Variants in KDM2B observed in about 807,000 individuals in gnomAD.
The protein encoded by KDM2B is lysine demethylase 2B.
KDM2B carries 26 observed loss-of-function variants against 150.0 expected under a neutral mutation model. The observed-to-expected ratio is 0.17, with a 90% CI of 0.13 to 0.24. The LOEUF (loss-of-function observed/expected upper bound fraction) is 0.24, where lower values mean the gene tolerates loss of function less well. Ranked by LOEUF, KDM2B falls within the 10% of genes least tolerant of loss-of-function variation. KDM2B has a pLI of 1.00. For missense variants in KDM2B, 1,265 were observed against 1,816.9 expected, an observed-to-expected ratio of 0.70 and a Z score of 5.52; for synonymous variants, 734 against 729.5, an observed-to-expected ratio of 1.01 and a Z score of -0.10.
At chr12:121,548,758 G>T in intron 6 of KDM2B, 119 bp downstream of exon 6, 1 of 739,808 alleles carries the variant, frequency 1.4e-6, no homozygotes, top group East Asian at 2.5e-5. Context: ...AGTTCTGAAC[G>T]GGAGCGGTTG....
chr12:121,409,232 G>A, the KDM2B span, among the ~76,000 whole-genome samples: 4 of 152,088 alleles, frequency 2.6e-5, no homozygotes, highest in African/African-American at 7.2e-5. Flanking sequence ...TGCTGGCCTC[G>A]GCCTCCCAAA....
In KDM2B at chr12:121,521,028, A is replaced by G; in HGVS notation, c.1004T>C (p.Val335Ala). ...FGGNILHSFNVPMQLRIYEIE... is the reference protein window; with the variant it reads ...FGGNILHSFNAPMQLRIYEIE... The stretch of plus-strand genomic sequence containing the variant: ...CTCGTAGATCCGCAGCTGCATGGGC[A>G]CGTTAAAGCTGTGCAGGATGTTTCC... The change falls in exon 9 of 23, where the codon GTG (valine) becomes GCG (alanine). Residue 335 changes from valine to alanine, a missense_variant. Physicochemically the swap from Val to Ala is moderately conservative, Grantham distance 64 (BLOSUM62 0). This residue lies in a region of KDM2B where 214 missense variants were observed against 447.4 expected (regional missense o/e 0.48). Coordinates refer to ENST00000377071, the MANE Select transcript of KDM2B (RefSeq NM_032590.5). This position sits in a 1 kb window ranked among gnomAD's most constrained non-coding sequence, Gnocchi z 4.9. 2.5e-6 allele frequency: 4 copies of G among 1,614,032 alleles called. No homozygotes were observed. Among genetic ancestry groups the G allele is most frequent in the Non-Finnish European group, 3.4e-6 (4 of 1,179,974 alleles).
rs1555316728 is a variant in KDM2B, at chr12:121,575,463, C to G, written c.350+318G>C. The stretch of plus-strand genomic sequence containing the variant: ...TCAGGCTCTGCCTCAGTCTCCTGAT[C>G]TGGAGCAAGGGGAAGGAGGAGAGGT... On this transcript the variant is annotated intron_variant, in intron 3 of 22. Coordinates refer to ENST00000377071, the MANE Select transcript of KDM2B (RefSeq NM_032590.5). This position sits in a 1 kb window ranked among gnomAD's most constrained non-coding sequence, Gnocchi z 4.4. 1.3e-5 allele frequency among the ~76,000 whole-genome samples: 2 copies of G among 152,212 alleles called. No homozygotes were observed. The highest frequency in any genetic ancestry group is 4.8e-5 in the African/African-American group (2 of 41,448).
chr12:121,515,925 A>G (rs1180811004), intron 9 of KDM2B, among the ~76,000 whole-genome samples: 3 of 151,992 alleles, frequency 2.0e-5, no homozygotes, highest in Non-Finnish European at 4.4e-5. Context: ...TTTCCTGAGA[A>G]CCCCAGTTTC....
rs1877544553 is a variant in KDM2B at position 121,452,905 on chromosome 12, T to A, written c.1959+215A>T. 6.6e-6 allele frequency among the ~76,000 whole-genome samples: 1 copy of A among 152,134 alleles called. No homozygotes were observed. Among genetic ancestry groups the A allele is most frequent in the African/African-American group, 2.4e-5 (1 of 41,424 alleles). ...GCCTGTCATCTTTAATGGCAGCAAC[T>A]TCAAAGTACCTGAGCACCCTGGGAG... On this transcript the variant is annotated intron_variant, in intron 13 of 22. Coordinates refer to ENST00000377071, the MANE Select transcript of KDM2B (RefSeq NM_032590.5). This position sits in a 1 kb window ranked among gnomAD's most constrained non-coding sequence, Gnocchi z 4.4.
intron 6 of KDM2B, among the ~76,000 whole-genome samples, chr12:121,535,210 C>CAA (rs34287525): frequency 2.0e-3 from 259 of 128,896 alleles, no homozygotes; most frequent in Middle Eastern, 4.1e-3. Context: ...GTTAAATGAC[C>CAA]AAAAAAAAAA....
chr12:121,558,879 T>C (rs1426951725), intron 4 of KDM2B, among the ~76,000 whole-genome samples: 1 of 152,162 alleles, frequency 6.6e-6, no homozygotes, highest in Non-Finnish European at 1.5e-5. Flanking sequence ...GCATGAACCA[T>C]GGCACCCAGC....
chr12:121,454,234 T>C (rs1043779288), intron 12 of KDM2B, among the ~76,000 whole-genome samples: 3 of 152,178 alleles, frequency 2.0e-5, no homozygotes, highest in Non-Finnish European at 4.4e-5. Context: ...TGTGCACCAC[T>C]GCACCTCTCT....
Position 121,549,863 on chromosome 12 carries a change from G to T in KDM2B, c.398-225C>A, listed in dbSNP as rs1183914824. 6.8e-6 allele frequency among the ~76,000 whole-genome samples: 1 copy of T among 147,298 alleles called. No individual in the cohort carries two copies. Among genetic ancestry groups the T allele is most frequent in the South Asian group, 2.3e-4 (1 of 4,322 alleles). ...CATGGCCTCCACGCCAGTCTGCGAT[G>T]ACCTCAAAAGCTACCTAAAGGGGCC... On this transcript the variant is annotated intron_variant, in intron 4 of 22. Transcript: ENST00000377071. The surrounding 1 kb of genome is among the most constrained non-coding windows in gnomAD (Gnocchi z 4.4).
intron 12 of KDM2B, among the ~76,000 whole-genome samples, chr12:121,474,931 G>A (rs1456044958): frequency 6.6e-6 from 1 of 152,100 alleles, no homozygotes; most frequent in Admixed American, 6.6e-5. Context: ...TCTCCAGCCT[G>A]GGAGACAGAG....
Position 121,521,012 on chromosome 12 carries a change from C to T in KDM2B, c.1020G>A (p.Arg340=). ...LHSFNVPMQL[R]IYEIEDRTRV... The stretch of plus-strand genomic sequence containing the variant: ...GCGTCCTGTCCTCGATCTCGTAGAT[C>T]CGCAGCTGCATGGGCACGTTAAAGC... The change falls in exon 9 of 23, where the codon CGG becomes CGA. Residue 340 remains arginine (R), a synonymous_variant. Coordinates refer to ENST00000377071, the MANE Select transcript of KDM2B (RefSeq NM_032590.5). The surrounding 1 kb of genome is among the most constrained non-coding windows in gnomAD (Gnocchi z 4.9). 1 of 1,614,038 alleles carries T rather than the reference C, an allele frequency of 6.2e-7. No individual in the cohort carries two copies. Among genetic ancestry groups the T allele is most frequent in the Non-Finnish European group, 8.5e-7 (1 of 1,179,982 alleles).
In KDM2B at chr12:121,456,295, G is replaced by A. The variant is rs543407072; in HGVS notation, c.1735-2951C>T. Among the ~76,000 whole-genome samples, 9 of 152,322 alleles carry A rather than the reference G, an allele frequency of 5.9e-5. No homozygotes were observed. The South Asian group carries it at 1.7e-3, about 28-fold the overall frequency. On this transcript the variant is annotated intron_variant, in intron 12 of 22. Coordinates refer to ENST00000377071, the MANE Select transcript of KDM2B (RefSeq NM_032590.5). The stretch of plus-strand genomic sequence containing the variant: ...GCCACGATGCCTCAGTGCGAAGGGT[G>A]CCAACAAGAGGTGCAGAGAAGCACG...
chr12:121,441,381 GC>G, intron 19 of KDM2B, 148 bp from the exon 20 acceptor site: 2 of 679,712 alleles, frequency 2.9e-6, no homozygotes, highest in East Asian at 2.7e-5. Context: ...CACCTATCCT[GC>G]CCCCACGCGG....
chr12:121,448,371 A>G (rs1555290820), intron 13 of KDM2B, among the ~76,000 whole-genome samples: 3 of 150,878 alleles, frequency 2.0e-5, no homozygotes, highest in African/African-American at 7.3e-5. Flanking sequence ...TTTTTTAGCT[A>G]AAGTCCTCTC....
chr12:121,568,605 C>T (rs781902397), intron 4 of KDM2B, among the ~76,000 whole-genome samples: 1 of 152,106 alleles, frequency 6.6e-6, no homozygotes, highest in Non-Finnish European at 1.5e-5. Context: ...ACATCCTCCA[C>T]GATTTCACTG....
At chr12:121,580,539 G>T in intron 1 of KDM2B, 1 of 1,222,652 alleles carries the variant, frequency 8.2e-7, no homozygotes, top group Non-Finnish European at 1.0e-6. Context: ...GGGCCGAGTT[G>T]CAGGCGGCGG....
intron 11 of KDM2B, among the ~76,000 whole-genome samples, chr12:121,495,318 G>A (rs948778194): frequency 1.4e-4 from 21 of 152,082 alleles, no homozygotes; most frequent in African/African-American, 4.3e-4. Flanking sequence ...GCACCACCAC[G>A]CTGGGCTAAT....
At chr12:121,420,283 TGAC>T in the KDM2B span, 25 of 1,595,394 alleles carry the variant, frequency 1.6e-5, no homozygotes, top group Middle Eastern at 1.2e-3. Flanking sequence ...AAGATGATGA[TGAC>T]GACGATGATG....
chr12:121,560,288 A>G (rs1389931822), intron 4 of KDM2B, among the ~76,000 whole-genome samples: 1 of 152,162 alleles, frequency 6.6e-6, no homozygotes, highest in Non-Finnish European at 1.5e-5. Context: ...GACAGGCATG[A>G]GCCACCTCAC....
Sources: allele counts gnomAD v4.1 joint callset (sites outside exome capture counted in the v4.1 genomes callset), GRCh38; gene constraint gnomAD v4.1.1; regional missense constraint gnomAD v4.1.1; non-coding constraint Gnocchi (gnomAD v3.1); transcripts MANE v1.5; gene names NCBI Gene and HGNC (gene_info 2026-07-23, HGNC 2026-07-21).